TARS1: variants seen among roughly 807,000 people sequenced by gnomAD.
TARS1 encodes threonine--tRNA ligase 1, cytoplasmic.
A neutral mutation model predicts 97.7 loss-of-function variants in TARS1; 57 were observed. The observed-to-expected ratio is 0.58, with a 90% CI of 0.47 to 0.73. TARS1 has a LOEUF of 0.73. Among genes scored for constraint, TARS1 ranks in the 30% least tolerant of loss-of-function variants. The pLI is 0.00. For synonymous variants in TARS1, 312 were observed against 293.7 expected, an observed-to-expected ratio of 1.06 and a Z score of -0.64; for missense variants, 806 against 888.3, an observed-to-expected ratio of 0.91 and a Z score of 1.18.
At chr5:33,456,726 A>G (rs1418978602) in intron 8 of TARS1, among the ~76,000 whole-genome samples, 1 of 151,952 alleles carries the variant, frequency 6.6e-6, no homozygotes, top group Non-Finnish European at 1.5e-5. Flanking sequence ...TTGCAGGCAA[A>G]GTAATGTTTG....
intron 8 of TARS1, 53 bp downstream of exon 8, chr5:33,456,280 T>C (rs372332872): frequency 6.7e-5 from 91 of 1,365,600 alleles, no homozygotes; most frequent in Non-Finnish European, 8.9e-5. Flanking sequence ...AATAGATATA[T>C]GTTTAAACTT....
rs201978337 is a variant in TARS1, at chr5:33,448,861, G to A, written c.329+130G>A. On this transcript the variant is annotated intron_variant, in intron 3 of 18. Coordinates refer to ENST00000265112, the MANE Select transcript of TARS1 (RefSeq NM_152295.5). ...CAGTGTTTTTAATCTGTTTAATTTTGCCTACTTGAGATTTTTTAAAAATCA... is the reference window on the plus strand; with the variant it reads ...CAGTGTTTTTAATCTGTTTAATTTTACCTACTTGAGATTTTTTAAAAATCA... 41 of 731,590 alleles carry A rather than the reference G, an allele frequency of 5.6e-5. No homozygotes were observed. The African/African-American group carries it at 7.0e-4, about 12-fold the overall frequency. 45.3% of individuals were successfully genotyped at this position (731,590 alleles called of 1,614,324 possible). A position where few individuals can be genotyped will look rare whatever the true frequency, so the allele number is the denominator to read the frequency against.
intron 1 of TARS1, among the ~76,000 whole-genome samples, chr5:33,442,464 A>G (rs1741158536): frequency 1.3e-5 from 2 of 152,154 alleles, no homozygotes; most frequent in African/African-American, 4.8e-5. Context: ...ATAATTATAC[A>G]ATAGTTAATA....
At chr5:33,452,580 G>T in intron 3 of TARS1, 2 of 638,380 alleles carry the variant, frequency 3.1e-6, no homozygotes, top group Non-Finnish European at 5.3e-6. Flanking sequence ...GTTGTATATT[G>T]GGTGTGTAAT....
intron 8 of TARS1, 100 bp downstream of exon 8, chr5:33,456,327 A>C: frequency 2.1e-6 from 2 of 952,568 alleles, no homozygotes; most frequent in Non-Finnish European, 3.2e-6. Flanking sequence ...GTTGCACATG[A>C]AAGGATGGTA....
Position 33,461,208 on chromosome 5 carries a change from C to A in TARS1, c.1464C>A (p.Ser488Arg). 1 of 1,613,764 alleles carries A rather than the reference C, an allele frequency of 6.2e-7. No individual in the cohort carries two copies. The highest frequency in any genetic ancestry group is 8.5e-7 in the Non-Finnish European group (1 of 1,179,880). Residue 488 changes from serine to arginine, a missense_variant, in exon 13 of 19, where the codon AGC (serine) becomes AGA (arginine). Around this residue, in one of 3 missense-constraint regions of TARS1, gnomAD observed 446 missense variants for 511.0 expected, o/e 0.87. Transcript: ENST00000265112. Reference sequence around the variant, plus strand: ...TGGATTTTCTACGTACGGTATATAGCGTATTTGGATTTTCTTTTAAACTAA... The same window carrying A: ...TGGATTTTCTACGTACGGTATATAGAGTATTTGGATTTTCTTTTAAACTAA... ...GCLDFLRTVY[S>R]VFGFSFKLNL...
chr5:33,441,130 G>T lies in TARS1; in HGVS notation c.44G>T (p.Gly15Val). 1 of 1,614,216 alleles carries T rather than the reference G, an allele frequency of 6.2e-7. No homozygotes were observed. Among genetic ancestry groups the T allele is most frequent in the South Asian group, 1.1e-5 (1 of 91,088 alleles). ...KASSPSGKMGGEEKPIGAGEE... is the reference protein window; with the variant it reads ...KASSPSGKMGVEEKPIGAGEE... Reference sequence around the variant, plus strand: ...AGCAGTCCTTCAGGGAAGATGGGAGGCGAGGAGAAGCCGGTGAGCAAACTT... The same window carrying T: ...AGCAGTCCTTCAGGGAAGATGGGAGTCGAGGAGAAGCCGGTGAGCAAACTT... The change falls in exon 1 of 19, where the codon GGC (glycine) becomes GTC (valine). Residue 15 changes from glycine (G) to valine (V), a missense_variant. By Grantham distance (109) the Gly-to-Val change is moderately radical. Transcript: ENST00000265112.
intron 1 of TARS1, among the ~76,000 whole-genome samples, chr5:33,443,809 T>A (rs1351287432): frequency 3.9e-5 from 6 of 152,170 alleles, no homozygotes; most frequent in Non-Finnish European, 5.9e-5. Context: ...TTTTTCTTTT[T>A]ACCCAGTATA....
intron 17 of TARS1, among the ~76,000 whole-genome samples, chr5:33,465,645 G>A (rs138328650): frequency 1.5e-3 from 236 of 152,304 alleles, no homozygotes; most frequent in African/African-American, 5.6e-3. Context: ...TAATTGGTTC[G>A]TGATCACTGT....
At chr5:33,461,375 T>G in intron 13 of TARS1, 80 bp downstream of exon 13, 1 of 1,522,222 alleles carries the variant, frequency 6.6e-7, no homozygotes. Flanking sequence ...CAAGCCTCTT[T>G]AAATGGATAA....
intron 2 of TARS1, 142 bp from the exon 3 acceptor site, chr5:33,448,399 G>T: frequency 3.4e-6 from 2 of 590,318 alleles, no homozygotes; most frequent in Non-Finnish European, 5.3e-6. Flanking sequence ...GGTAATGCCG[G>T]GTGATTTTGG....
At position 33,441,132 on chromosome 5, in the gene TARS1, G is replaced by T; in HGVS notation, c.46G>T (p.Glu16Ter). 6.2e-7 allele frequency: 1 copy of T among 1,614,224 alleles called. No individual in the cohort carries two copies. The highest frequency in any genetic ancestry group is 8.5e-7 in the Non-Finnish European group (1 of 1,180,046). Residue 16 changes from glutamate to a stop codon, truncating the protein, a stop_gained, in exon 1 of 19, where the codon GAG (glutamate) becomes TAG (stop). Transcript: ENST00000265112. LOFTEE classifies it high-confidence loss of function. ...CAGTCCTTCAGGGAAGATGGGAGGC[G>T]AGGAGAAGCCGGTGAGCAAACTTGG... ...ASSPSGKMGG[E>*]EKPIGAGEEK...
chr5:33,464,031 T>C (rs1434311600), intron 17 of TARS1, among the ~76,000 whole-genome samples: 5 of 152,222 alleles, frequency 3.3e-5, no homozygotes, highest in Non-Finnish European at 5.9e-5. Flanking sequence ...ATTTGGATAG[T>C]GTTTTATGTA....
rs1316466838 is a variant in TARS1, at chr5:33,455,028, A to AGAAAATG, written c.540_546dup (p.Phe183LysfsTer6). On this transcript the variant is annotated frameshift_variant, in exon 5 of 19. Transcript: ENST00000265112. LOFTEE classifies it high-confidence loss of function. ...GATGTTTATGCTACGGTCCGCCAAT[A>AGAAAATG]GAAAATGGATTCTATTATGACATGT... 2 of 1,613,924 alleles carry AGAAAATG rather than the reference A, an allele frequency of 1.2e-6. No individual in the cohort carries two copies. Among genetic ancestry groups the AGAAAATG allele is most frequent in the East Asian group, 4.5e-5 (2 of 44,860 alleles).
intron 1 of TARS1, chr5:33,441,548 G>A (rs1314801471): frequency 5.9e-6 from 1 of 168,446 alleles, no homozygotes; most frequent in African/African-American, 2.4e-5. Flanking sequence ...AGATCCTGCG[G>A]GGGTAAAGAG....
At chr5:33,443,049 A>G (rs547396424) in intron 1 of TARS1, among the ~76,000 whole-genome samples, 6 of 152,226 alleles carry the variant, frequency 3.9e-5, no homozygotes, top group Admixed American at 3.3e-4. Context: ...CTGTTTCCCA[A>G]CTTTTGGGTT....
At position 33,448,523 on chromosome 5, in the gene TARS1, T is replaced by C. The variant is rs1215041363; in HGVS notation, c.139-18T>C. The C allele has an allele frequency of 6.5e-7, 1 of 1,530,726 alleles. No individual in the cohort carries two copies. The highest frequency in any genetic ancestry group is 2.0e-5 in the Admixed American group (1 of 49,130). 94.8% of individuals were successfully genotyped at this position (1,530,726 alleles called of 1,614,324 possible). ...ATTTACTGATCATTTATTTCCTGAT[T>C]TGTTTGTTGTCTTGCAGTTGAATCC... is the stretch of plus-strand genomic sequence containing the variant. On this transcript the variant is annotated intron_variant, in intron 2 of 18. Coordinates refer to ENST00000265112, the MANE Select transcript of TARS1 (RefSeq NM_152295.5).
rs754403413 is a variant in TARS1, at chr5:33,461,259, C to T, written c.1515C>T (p.Phe505=). The change falls in exon 13 of 19, where the codon TTC becomes TTT. Residue 505 remains phenylalanine (F), a synonymous_variant. Coordinates refer to ENST00000265112, the MANE Select transcript of TARS1 (RefSeq NM_152295.5). ...ACCTTTCTACTCGCCCGGAAAAATT[C>T]CTTGGAGATATCGAAGTATGGGATC... is the stretch of plus-strand genomic sequence containing the variant. ...KLNLSTRPEK[F]LGDIEVWDQA... 6.2e-7 allele frequency: 1 copy of T among 1,613,762 alleles called. No homozygotes were observed. The highest frequency in any genetic ancestry group is 1.1e-5 in the South Asian group (1 of 91,030).
intron 3 of TARS1, among the ~76,000 whole-genome samples, chr5:33,451,371 A>G (rs1741723383): frequency 7.4e-6 from 1 of 135,898 alleles, no homozygotes; most frequent in African/African-American, 2.9e-5. Flanking sequence ...TTTGTTATAA[A>G]TCTTTTTTTT....
Sources: gnomAD v4.1 joint callset for allele counts (sites outside exome capture counted in the v4.1 genomes callset) on GRCh38, gnomAD v4.1.1 for gene constraint, gnomAD v4.1.1 regional missense constraint, MANE v1.5 for transcripts, NCBI Gene and HGNC (gene_info 2026-07-23, HGNC 2026-07-21) for gene names.